Variants in RAB8A observed in about 807,000 individuals in gnomAD.
The protein encoded by RAB8A is ras-related protein Rab-8A.
Under a neutral mutation model 29.2 loss-of-function variants are expected in RAB8A, and 5 were observed. That is an observed-to-expected ratio of 0.17 (90% CI 0.09 to 0.36). The LOEUF (loss-of-function observed/expected upper bound fraction) is 0.36. Ranked by LOEUF, RAB8A falls within the 10% of genes least tolerant of loss-of-function variation. The pLI is 1.00. For synonymous variants in RAB8A, 108 were observed against 99.9 expected (o/e 1.08, Z -0.49); for missense variants, 171 against 272.2 (o/e 0.63, Z 2.62).
At chr19:16,119,745 T>C (rs1392822630) in intron 2 of RAB8A, among the ~76,000 whole-genome samples, 1 of 152,000 alleles carries the variant, frequency 6.6e-6, no homozygotes, top group Admixed American at 6.5e-5. Flanking sequence ...TTAGCAATCG[T>C]GGTGAGGTTA....
intron 7 of RAB8A, among the ~76,000 whole-genome samples, chr19:16,130,767 C>A (rs1055533674): frequency 6.6e-6 from 1 of 152,152 alleles, no homozygotes; most frequent in Non-Finnish European, 1.5e-5. Context: ...CCTCCCACCT[C>A]CGCCTCCCAA....
In RAB8A at chr19:16,125,247, G is replaced by A. The variant is rs1179061861; in HGVS notation, c.247-223G>A. ...GAAGGGTCACCTCAGCGGCCCGGGG[G>A]GCAGGACAAGGCTGGTGCCAGAACC... On this transcript the variant is annotated intron_variant, in intron 3 of 7. Coordinates refer to ENST00000300935, the MANE Select transcript of RAB8A (RefSeq NM_005370.5). This position sits in a 1 kb window ranked among gnomAD's most constrained non-coding sequence, Gnocchi z 5.0. 4 of 591,094 alleles carry A rather than the reference G, an allele frequency of 6.8e-6. No individual in the cohort carries two copies. The African/African-American group carries it at 7.5e-5, about 11-fold the overall frequency. 36.6% of individuals were successfully genotyped at this position (591,094 alleles called of 1,614,324 possible).
At chr19:16,129,124 A>T (rs947957966) in intron 6 of RAB8A, among the ~76,000 whole-genome samples, 3 of 151,666 alleles carry the variant, frequency 2.0e-5, no homozygotes, top group Non-Finnish European at 4.4e-5. Context: ...GAGCTGACAG[A>T]ACCTAGGAGT....
chr19:16,129,469 CTG>C, intron 6 of RAB8A, 83 bp from the exon 7 acceptor site: 1 of 1,364,110 alleles, frequency 7.3e-7, no homozygotes, highest in Middle Eastern at 2.1e-4. Flanking sequence ...GCCTGGGAAG[CTG>C]TCTCACCACA....
intron 7 of RAB8A, among the ~76,000 whole-genome samples, chr19:16,130,910 G>A (rs2090921965): frequency 6.6e-6 from 1 of 151,966 alleles, no homozygotes; most frequent in African/African-American, 2.4e-5. Context: ...TGCAACCTCT[G>A]CCTCCCAGGT....
Position 16,125,131 on chromosome 19 carries a change from T to C in RAB8A, c.247-339T>C. On this transcript the variant is annotated intron_variant, in intron 3 of 7. Coordinates refer to ENST00000300935, the MANE Select transcript of RAB8A (RefSeq NM_005370.5). The surrounding 1 kb of genome is among the most constrained non-coding windows in gnomAD (Gnocchi z 5.0). ...GCTGGCAGTGGGCCTGTGGACCGGC[T>C]CCCACCGTCAGGCTGCACCACCCCG... is the stretch of plus-strand genomic sequence containing the variant. 2.5e-6 allele frequency: 1 copy of C among 407,962 alleles called. No individual in the cohort carries two copies. Among genetic ancestry groups the C allele is most frequent in the Non-Finnish European group, 4.6e-6 (1 of 216,540 alleles). The allele number at this position is 407,962 out of a possible 1,614,324, so 25.3% of individuals were successfully genotyped here. A position where few individuals can be genotyped will look rare whatever the true frequency, so the allele number is the denominator to read the frequency against.
At chr19:16,121,002 C>A (rs780221876) in intron 2 of RAB8A, among the ~76,000 whole-genome samples, 89 of 151,634 alleles carry the variant, frequency 5.9e-4, no homozygotes, top group Non-Finnish European at 1.1e-3. Flanking sequence ...CTGCAGCCTC[C>A]ACCTCCTGGG....
At chr19:16,119,132 C>T (rs913887402) in intron 2 of RAB8A, among the ~76,000 whole-genome samples, 9 of 152,162 alleles carry the variant, frequency 5.9e-5, no homozygotes, top group East Asian at 1.9e-4. Flanking sequence ...AAAGTTTGAC[C>T]GGTCACCCCC....
intron 3 of RAB8A, 56 bp downstream of exon 3, chr19:16,121,866 T>G: frequency 6.6e-7 from 1 of 1,504,122 alleles, no homozygotes; most frequent in Non-Finnish European, 9.3e-7. Flanking sequence ...CATGGGAGCG[T>G]CACTGTGCAT....
chr19:16,117,910 A>G (rs1225888699), intron 1 of RAB8A, among the ~76,000 whole-genome samples: 1 of 152,056 alleles, frequency 6.6e-6, no homozygotes, highest in East Asian at 1.9e-4. Context: ...AGGCCTGCAG[A>G]GGGCTCTGTT....
chr19:16,126,513 C>G (rs1286846015), intron 4 of RAB8A: 1 of 152,332 alleles, frequency 6.6e-6, no homozygotes, highest in Non-Finnish European at 1.5e-5. Flanking sequence ...ACAGCAGTTT[C>G]CAGTGTCCCC....
intron 4 of RAB8A, chr19:16,126,861 T>C (rs2090904049): frequency 6.6e-6 from 1 of 152,188 alleles, no homozygotes. Context: ...TAGCCTGGTA[T>C]GGTGGCAGAT....
intron 1 of RAB8A, 86 bp downstream of exon 1, chr19:16,112,111 C>A: frequency 6.5e-7 from 1 of 1,543,688 alleles, no homozygotes; most frequent in Non-Finnish European, 8.8e-7. Context: ...ATCTACAGGG[C>A]TGGACGGGCC....
intron 4 of RAB8A, chr19:16,127,000 CAA>C (rs879725412): frequency 1.9e-4 from 28 of 146,746 alleles, no homozygotes; most frequent in African/African-American, 6.0e-4. Context: ...CAAAAAAAAA[CAA>C]AAAAAAAAGT....
At chr19:16,117,213 G>A (rs2144985087) in intron 1 of RAB8A, among the ~76,000 whole-genome samples, 1 of 152,104 alleles carries the variant, frequency 6.6e-6, no homozygotes, top group Admixed American at 6.5e-5. Flanking sequence ...AGAGGGCCGG[G>A]TGCGGTGGCT....
In RAB8A at chr19:16,127,329, G is replaced by T; in HGVS notation, c.325-108G>T. The T allele has an allele frequency of 3.3e-6, 2 of 604,564 alleles. No homozygotes were observed. The highest frequency in any genetic ancestry group is 2.6e-6 in the Non-Finnish European group (1 of 390,092). The allele number at this position is 604,564 out of a possible 1,614,324, so 37.4% of individuals were successfully genotyped here. On this transcript the variant is annotated intron_variant, in intron 4 of 7. Transcript: ENST00000300935. The surrounding 1 kb of genome is among the most constrained non-coding windows in gnomAD (Gnocchi z 4.8). ...TGTCCCTTAGACCAGGCTGTACCTA[G>T]CAGTCCTGACCCCACCGCTCTGATT...
chr19:16,112,226 T>C (rs914508393), intron 1 of RAB8A: 2 of 678,660 alleles, frequency 2.9e-6, no homozygotes, highest in African/African-American at 3.6e-5. Flanking sequence ...GTGCCCATTT[T>C]GCAGATAGGG....
chr19:16,128,976 T>C (rs986872523), intron 6 of RAB8A, among the ~76,000 whole-genome samples: 12 of 152,206 alleles, frequency 7.9e-5, no homozygotes, highest in African/African-American at 2.9e-4. Flanking sequence ...CTCAAGGCTG[T>C]GACAGCAGCT....
In RAB8A at chr19:16,127,606, GC is replaced by G; in HGVS notation, c.414+84del. On this transcript the variant is annotated intron_variant, in intron 5 of 7. Transcript: ENST00000300935. This position sits in a 1 kb window ranked among gnomAD's most constrained non-coding sequence, Gnocchi z 4.8. ...AGAGGCCTTCCCCTGTCCCTCCTCT[GC>G]CCCAGGGGCCTGAGACGAGTTGGTC... is the stretch of plus-strand genomic sequence containing the variant. 1 of 1,150,000 alleles carries G rather than the reference GC, an allele frequency of 8.7e-7. No homozygotes were observed. Among genetic ancestry groups the G allele is most frequent in the Non-Finnish European group, 1.2e-6 (1 of 835,132 alleles). 71.2% of individuals were successfully genotyped at this position (1,150,000 alleles called of 1,614,324 possible). A position where few individuals can be genotyped will look rare whatever the true frequency, so the allele number is the denominator to read the frequency against.
Sources: gnomAD v4.1 joint callset for allele counts (sites outside exome capture counted in the v4.1 genomes callset) on GRCh38, gnomAD v4.1.1 for gene constraint, Gnocchi (gnomAD v3.1) non-coding constraint, MANE v1.5 for transcripts, NCBI Gene and HGNC (gene_info 2026-07-23, HGNC 2026-07-21) for gene names.